CREB1: variants seen among roughly 807,000 people sequenced by gnomAD.
The protein encoded by CREB1 is cyclic AMP-responsive element-binding protein 1.
CREB1 carries 2 observed loss-of-function variants against 42.0 expected under a neutral mutation model. The ratio of observed to expected loss-of-function variants is 0.05; its 90% CI spans 0.02 to 0.15. CREB1 has a LOEUF of 0.15. Among genes scored for constraint, CREB1 ranks in the 10% least tolerant of loss-of-function variants. CREB1 has a pLI of 1.00. For missense variants in CREB1, 199 were observed against 388.9 expected (o/e 0.51, Z 4.11); for synonymous variants, 123 against 139.9 (o/e 0.88, Z 0.85).
chr2:207,592,155 A>C (rs1229411587), intron 7 of CREB1, among the ~76,000 whole-genome samples: 1 of 152,132 alleles, frequency 6.6e-6, no homozygotes, highest in Non-Finnish European at 1.5e-5. Context: ...GACAGACTTT[A>C]AAGATGTCAC....
intron 1 of CREB1, among the ~76,000 whole-genome samples, chr2:207,540,669 T>TA (rs35714520): frequency 0.029 from 1,864 of 64,276 alleles, 50 homozygotes; most frequent in African/African-American, 0.052. Context: ...GTTTAAAAAG[T>TA]AAAAAAAAAA....
rs2551648 is a variant in CREB1 at position 207,590,083 on chromosome 2, G to T, written c.840-6831G>T. Among the ~76,000 whole-genome samples the T allele has an allele frequency of 2.2e-3, 170 of 76,120 alleles. 1 individual carries two copies. The highest frequency in any genetic ancestry group is 0.021 in the Middle Eastern group (2 of 94). The allele number at this position is 76,120 out of a possible 152,430, so 49.9% of individuals were successfully genotyped here. On this transcript the variant is annotated intron_variant, in intron 7 of 7. Transcript: ENST00000353267. ...GGCCTGGAGTTTTCTATTTTGAGAA[G>T]TTTTTTTTTTTTTTTTTTTTTTTTA...
At position 207,555,613 on chromosome 2, in the gene CREB1, T is replaced by A; in HGVS notation, c.-8-15T>A. On this transcript the variant is annotated splice_polypyrimidine_tract_variant and intron_variant, in intron 1 of 7. Transcript: ENST00000353267. Reference sequence around the variant, plus strand: ...AGCACTGTGGTGCTTGTAACACTCTTCCATATTATTATAGGTAACTAAATG... The same window carrying A: ...AGCACTGTGGTGCTTGTAACACTCTACCATATTATTATAGGTAACTAAATG... The A allele has an allele frequency of 6.6e-7, 1 of 1,521,774 alleles. No homozygotes were observed. The highest frequency in any genetic ancestry group is 9.1e-7 in the Non-Finnish European group (1 of 1,098,952). The allele number at this position is 1,521,774 out of a possible 1,614,324, so 94.3% of individuals were successfully genotyped here. A position where few individuals can be genotyped will look rare whatever the true frequency, so the allele number is the denominator to read the frequency against.
chr2:207,578,147 A>T (rs542658048), intron 7 of CREB1: 1 of 153,042 alleles, frequency 6.5e-6, no homozygotes, highest in East Asian at 1.9e-4. Flanking sequence ...ATTCTTCAAA[A>T]ATATGTTAAT....
intron 7 of CREB1, among the ~76,000 whole-genome samples, chr2:207,594,991 CT>C (rs751274446): frequency 0.01 from 1,218 of 118,836 alleles, 10 homozygotes; most frequent in African/African-American, 0.019. Flanking sequence ...TGTTGAGCAT[CT>C]TTTTTTTTTT....
chr2:207,557,157 A>C (rs2081761983), intron 2 of CREB1, among the ~76,000 whole-genome samples: 1 of 151,864 alleles, frequency 6.6e-6, no homozygotes, highest in Non-Finnish European at 1.5e-5. Flanking sequence ...AAGAAGATGC[A>C]ATGCCAGCAG....
intron 7 of CREB1, among the ~76,000 whole-genome samples, chr2:207,595,639 C>G (rs1324373496): frequency 6.6e-6 from 1 of 152,114 alleles, no homozygotes; most frequent in Non-Finnish European, 1.5e-5. Flanking sequence ...TCACGGCTCA[C>G]TGCAACCTAA....
At chr2:207,568,991 G>A (rs1181419207) in intron 4 of CREB1, among the ~76,000 whole-genome samples, 2 of 151,826 alleles carry the variant, frequency 1.3e-5, no homozygotes, top group African/African-American at 2.4e-5. Flanking sequence ...TTACTCTCTC[G>A]TTTATCCATC....
chr2:207,585,141 A>G (rs1244262192), intron 7 of CREB1, among the ~76,000 whole-genome samples: 1 of 152,074 alleles, frequency 6.6e-6, no homozygotes, highest in African/African-American at 2.4e-5. Flanking sequence ...TCACTATCAC[A>G]TTGGCCACCC....
Position 207,540,550 on chromosome 2 carries a change from A to G in CREB1, c.-9+10416A>G, listed in dbSNP as rs538679700. 2.6e-5 allele frequency among the ~76,000 whole-genome samples: 4 copies of G among 151,976 alleles called. No homozygotes were observed. The South Asian group carries it at 8.3e-4, about 31-fold the overall frequency. On this transcript the variant is annotated intron_variant, in intron 1 of 7. Coordinates refer to ENST00000353267, the MANE Select transcript of CREB1 (RefSeq NM_004379.5). Reference sequence around the variant, plus strand: ...TCCCTGCTACTCACGAGGCCAAGGCAGGAGAACCCAAGAGGCAGAGATTGC... The same window carrying G: ...TCCCTGCTACTCACGAGGCCAAGGCGGGAGAACCCAAGAGGCAGAGATTGC...
chr2:207,583,285 C>T (rs1168902895), intron 7 of CREB1, among the ~76,000 whole-genome samples: 1 of 152,110 alleles, frequency 6.6e-6, no homozygotes, highest in African/African-American at 2.4e-5. Flanking sequence ...CAACTATATA[C>T]TTAAATAGGA....
At chr2:207,540,496 T>C (rs1001355509) in intron 1 of CREB1, among the ~76,000 whole-genome samples, 1 of 151,372 alleles carries the variant, frequency 6.6e-6, no homozygotes, top group African/African-American at 2.4e-5. Context: ...AAAAATTAAT[T>C]AACTGGGCTT....
In CREB1 at chr2:207,570,180, A is replaced by C. The variant is rs757145008; in HGVS notation, c.364A>C (p.Lys122Gln). The C allele has an allele frequency of 2.5e-6, 4 of 1,596,094 alleles. No homozygotes were observed. The highest frequency in any genetic ancestry group is 3.4e-6 in the Non-Finnish European group (4 of 1,174,346). ...EILSRRPSYR[K>Q]ILNDLSSDAP... ...TATTCTAGTTTTCTAATTTTGTAGG[A>C]AAATTTTGAATGACTTATCTTCTGA... The change falls in exon 5 of 8, where the codon AAA becomes CAA. Residue 122 changes from lysine (K) to glutamine (Q), a missense_variant and splice_region_variant. Physicochemically the swap from Lys to Gln is moderately conservative, Grantham distance 53 (BLOSUM62 1). Around this residue, in one of 4 missense-constraint regions of CREB1, gnomAD observed 66 missense variants for 150.8 expected, o/e 0.44. Transcript: ENST00000353267.
In CREB1 at chr2:207,560,375, A is replaced by C; in HGVS notation, c.261+3A>C. On this transcript the variant is annotated splice_donor_region_variant and intron_variant, in intron 3 of 7. Transcript: ENST00000353267. Reference sequence around the variant, plus strand: ...CTCCACAAGTCCAAACAGTTCAGGTATGTGTATAAAAAGTTCTGCATCTAT... The same window carrying C: ...CTCCACAAGTCCAAACAGTTCAGGTCTGTGTATAAAAAGTTCTGCATCTAT... The C allele has an allele frequency of 6.2e-7, 1 of 1,607,888 alleles. No individual in the cohort carries two copies. The highest frequency in any genetic ancestry group is 8.5e-7 in the Non-Finnish European group (1 of 1,177,662).
intron 6 of CREB1, among the ~76,000 whole-genome samples, chr2:207,576,030 T>C (rs1160070579): frequency 6.7e-6 from 1 of 148,206 alleles, no homozygotes; most frequent in African/African-American, 2.5e-5. Context: ...TCTCACTGTG[T>C]TGCCCAGGCT....
At chr2:207,578,682 TC>T (rs769085518) in intron 7 of CREB1, among the ~76,000 whole-genome samples, 183 of 152,350 alleles carry the variant, frequency 1.2e-3, no homozygotes, top group Admixed American at 2.9e-3. Context: ...GCTTTTTTGT[TC>T]CTAAAATATT....
chr2:207,587,711 A>G (rs2084144323), intron 7 of CREB1, among the ~76,000 whole-genome samples: 1 of 152,230 alleles, frequency 6.6e-6, no homozygotes, highest in Non-Finnish European at 1.5e-5. Context: ...TAAATACCAC[A>G]TGTTCTCACT....
chr2:207,537,625 A>G (rs1379099699), intron 1 of CREB1, among the ~76,000 whole-genome samples: 1 of 152,218 alleles, frequency 6.6e-6, no homozygotes, highest in East Asian at 1.9e-4. Context: ...TGAAGTTGTA[A>G]GTAGAAGGTG....
chr2:207,546,049 TTAAC>T (rs1174928389), intron 1 of CREB1, among the ~76,000 whole-genome samples: 1 of 152,216 alleles, frequency 6.6e-6, no homozygotes, highest in Non-Finnish European at 1.5e-5. Flanking sequence ...ATATTTTTCT[TTAAC>T]TGAGGAAATT....
Sources: allele counts gnomAD v4.1 joint callset (sites outside exome capture counted in the v4.1 genomes callset), GRCh38; gene constraint gnomAD v4.1.1; regional missense constraint gnomAD v4.1.1; transcripts MANE v1.5; gene names NCBI Gene and HGNC (gene_info 2026-07-23, HGNC 2026-07-21).